Variants in SAMD12 observed in about 807,000 individuals in gnomAD.
SAMD12 encodes the protein sterile alpha motif domain containing 12, also known as sterile alpha motif domain-containing protein 12.
A neutral mutation model predicts 15.0 loss-of-function variants in SAMD12; 9 were observed. That is an observed-to-expected ratio of 0.60 (90% CI 0.36 to 1.05). The LOEUF (loss-of-function observed/expected upper bound fraction) is 1.05. Ranked by LOEUF, SAMD12 falls within the 50% of genes least tolerant of loss-of-function variation. SAMD12 has a pLI of 0.01. For missense variants in SAMD12, 230 were observed against 234.2 expected (o/e 0.98, Z 0.12); for synonymous variants, 86 against 90.1 (o/e 0.96, Z 0.25).
chr8:118,143,270 T>C, the SAMD12 span, among the ~76,000 whole-genome samples: 1 of 152,188 alleles, frequency 6.6e-6, no homozygotes, highest in Non-Finnish European at 1.5e-5. Flanking sequence ...CAGAATTACT[T>C]ATAGAATTAG....
intron 1 of SAMD12, among the ~76,000 whole-genome samples, chr8:118,585,458 G>A (rs1827414560): frequency 6.6e-6 from 1 of 151,992 alleles, no homozygotes; most frequent in South Asian, 2.1e-4. Flanking sequence ...TGTATATTTT[G>A]TCACAATAAA....
chr8:118,547,956 T>C (rs1346006647), intron 2 of SAMD12, among the ~76,000 whole-genome samples: 1 of 152,170 alleles, frequency 6.6e-6, no homozygotes, highest in Admixed American at 6.5e-5. Flanking sequence ...TGTAACACAC[T>C]TGAGGACATC....
chr8:118,557,927 C>CT (rs1826589205), intron 2 of SAMD12, among the ~76,000 whole-genome samples: 1 of 151,880 alleles, frequency 6.6e-6, no homozygotes, highest in East Asian at 1.9e-4. Flanking sequence ...TAGGTTGAGA[C>CT]CAACCTATTT....
intron 1 of SAMD12, among the ~76,000 whole-genome samples, chr8:118,593,134 A>G (rs982497953): frequency 3.9e-5 from 6 of 152,216 alleles, no homozygotes; most frequent in African/African-American, 1.4e-4. Context: ...ATGCATGTGT[A>G]TATGTGCATA....
chr8:118,420,766 A>C (rs1339733603), intron 3 of SAMD12, among the ~76,000 whole-genome samples: 1 of 152,214 alleles, frequency 6.6e-6, no homozygotes, highest in Non-Finnish European at 1.5e-5. Context: ...AAAGTAGCAC[A>C]TTTTTAGAAA....
At chr8:118,145,866 A>G in the SAMD12 span, among the ~76,000 whole-genome samples, 3 of 152,294 alleles carry the variant, frequency 2.0e-5, no homozygotes, top group Admixed American at 6.5e-5. Context: ...GGGCTGCCCA[A>G]AAAGATCGTG....
chr8:118,217,929 A>G lies in SAMD12; in HGVS notation c.434-20197T>C, dbSNP rs1375973934. ...CTTTCTGTCCTCTGTGCTAATCCCA[A>G]TCCTGCCTGTTATTTGAGGTCCAAA... On this transcript the variant is annotated intron_variant, in intron 4 of 4. Coordinates refer to the SAMD12 transcript ENST00000409003. Among the ~76,000 whole-genome samples, 3 of 152,048 alleles carry G rather than the reference A, an allele frequency of 2.0e-5. No homozygotes were observed. The South Asian group carries it at 6.2e-4, about 32-fold the overall frequency.
intron 2 of SAMD12, among the ~76,000 whole-genome samples, chr8:118,489,169 T>G (rs1023774389): frequency 2.0e-5 from 3 of 152,198 alleles, no homozygotes; most frequent in African/African-American, 7.2e-5. Flanking sequence ...TCAAATCTTT[T>G]GACTATTCTT....
At chr8:118,500,459 C>T (rs994043803) in intron 2 of SAMD12, among the ~76,000 whole-genome samples, 8 of 151,778 alleles carry the variant, frequency 5.3e-5, no homozygotes, top group Non-Finnish European at 1.0e-4. Flanking sequence ...ATGCCTAGGA[C>T]ATAGAGACAT....
intron 3 of SAMD12, among the ~76,000 whole-genome samples, chr8:118,436,714 T>G (rs1468282341): frequency 6.6e-6 from 1 of 152,196 alleles, no homozygotes; most frequent in African/African-American, 2.4e-5. Flanking sequence ...AATGTTTTGT[T>G]TCCCTTAGAT....
chr8:118,572,176 C>T (rs1827029810), intron 2 of SAMD12, among the ~76,000 whole-genome samples: 1 of 152,228 alleles, frequency 6.6e-6, no homozygotes, highest in South Asian at 2.1e-4. Flanking sequence ...TTCTGACTTG[C>T]TTGGGGCCTG....
chr8:118,387,541 T>G (rs557307446), intron 3 of SAMD12, among the ~76,000 whole-genome samples: 13 of 152,296 alleles, frequency 8.5e-5, no homozygotes, highest in Non-Finnish European at 1.8e-4. Flanking sequence ...CCTAGTAGCT[T>G]TACATAGATT....
At chr8:118,381,642 C>T (rs560857969) in intron 3 of SAMD12, among the ~76,000 whole-genome samples, 2 of 152,168 alleles carry the variant, frequency 1.3e-5, no homozygotes, top group East Asian at 3.9e-4. Flanking sequence ...CGGCCAAGAG[C>T]CAAGGAATTC....
At chr8:118,288,060 C>T (rs1037535369) in intron 4 of SAMD12, among the ~76,000 whole-genome samples, 14 of 152,038 alleles carry the variant, frequency 9.2e-5, no homozygotes, top group African/African-American at 2.9e-4. Context: ...GAAGACCAAG[C>T]GTGGGCCTAT....
intron 4 of SAMD12, among the ~76,000 whole-genome samples, chr8:118,240,475 A>G (rs1160764634): frequency 1.3e-5 from 2 of 152,146 alleles, no homozygotes; most frequent in African/African-American, 4.8e-5. Context: ...TTTGCCAGTT[A>G]TGAGCTTTGT....
At chr8:118,233,787 AC>A (rs1812365772) in intron 4 of SAMD12, among the ~76,000 whole-genome samples, 1 of 152,174 alleles carries the variant, frequency 6.6e-6, no homozygotes, top group Non-Finnish European at 1.5e-5. Flanking sequence ...CCCACATAGC[AC>A]TTTTATCATT....
the SAMD12 span, among the ~76,000 whole-genome samples, chr8:118,150,145 A>G: frequency 6.6e-6 from 1 of 152,228 alleles, no homozygotes; most frequent in African/African-American, 2.4e-5. Context: ...TATACAGGAC[A>G]GTCCCCACAA....
chr8:118,453,632 T>C (rs115205570), intron 2 of SAMD12, among the ~76,000 whole-genome samples: 2,761 of 152,228 alleles, frequency 0.018, 88 homozygotes, highest in African/African-American at 0.063. Context: ...ATGGTCCTCC[T>C]ATCTCAGCCC....
the SAMD12 span, among the ~76,000 whole-genome samples, chr8:118,170,856 C>T: frequency 2.6e-5 from 4 of 152,010 alleles, no homozygotes; most frequent in Non-Finnish European, 4.4e-5. Flanking sequence ...GAATTTTACA[C>T]TGCAAATGAT....
Sources: gnomAD v4.1 joint callset for allele counts (sites outside exome capture counted in the v4.1 genomes callset) on GRCh38, gnomAD v4.1.1 for gene constraint, MANE v1.5 for transcripts, NCBI Gene and HGNC (gene_info 2026-07-23, HGNC 2026-07-21) for gene names.